ROS1: variants seen among roughly 807,000 people sequenced by gnomAD.
The protein encoded by ROS1 is proto-oncogene tyrosine-protein kinase ROS.
Under a neutral mutation model 273.5 loss-of-function variants are expected in ROS1, and 263 were observed. That is an observed-to-expected ratio of 0.96 (90% confidence interval 0.87 to 1.06). ROS1 has a LOEUF of 1.06. Among genes scored for constraint, ROS1 ranks in the 50% least tolerant of loss-of-function variants. The probability of loss-of-function intolerance (pLI) is 0.00; values close to 1 mark genes in which losing one functional copy is unlikely to be tolerated. For synonymous variants in ROS1, 1,008 were observed against 954.1 expected, an observed-to-expected ratio of 1.06 and a Z score of -1.04; for missense variants, 2,833 against 2,751.1, an observed-to-expected ratio of 1.03 and a Z score of -0.67.
intron 43 of ROS1, among the ~76,000 whole-genome samples, chr6:117,298,451 G>C (rs1774424247): frequency 6.6e-6 from 1 of 152,162 alleles, no homozygotes; most frequent in South Asian, 2.1e-4. Context: ...CCCAGTTACT[G>C]ATGTTTTTCT....
intron 27 of ROS1, among the ~76,000 whole-genome samples, chr6:117,352,128 T>A (rs1187032993): frequency 6.6e-6 from 1 of 152,188 alleles, no homozygotes; most frequent in Non-Finnish European, 1.5e-5. Context: ...TCGCCCAGGC[T>A]GGAGAGCAGT....
intron 35 of ROS1, among the ~76,000 whole-genome samples, chr6:117,322,644 T>C (rs181931893): frequency 6.6e-6 from 1 of 152,300 alleles, no homozygotes; most frequent in East Asian, 1.9e-4. Context: ...TTTTAAAAAT[T>C]GTCTAATTTT....
At chr6:117,352,805 A>G (rs962034648) in intron 27 of ROS1, among the ~76,000 whole-genome samples, 185 bp downstream of exon 27, 2 of 152,230 alleles carry the variant, frequency 1.3e-5, no homozygotes, top group African/African-American at 4.8e-5. Context: ...GTGTTTACAC[A>G]TAGAAGTAAT....
At position 117,387,891 on chromosome 6, in the gene ROS1, T is replaced by G; in HGVS notation, c.1888A>C (p.Asn630His). 1.2e-6 allele frequency: 2 copies of G among 1,614,222 alleles called. No individual in the cohort carries two copies. Among genetic ancestry groups the G allele is most frequent in the Non-Finnish European group, 1.7e-6 (2 of 1,180,024 alleles). Residue 630 changes from asparagine to histidine, a missense_variant, in exon 14 of 44, where the codon AAT becomes CAT. Coordinates refer to ENST00000368507, the MANE Select transcript of ROS1 (RefSeq NM_001378902.1). Reference protein sequence around the residue: ...IFLNISGTMLNVPELQSAMKY... With the variant: ...IFLNISGTMLHVPELQSAMKY... ...ATAGCACTCTGCAGCTCAGGTACAT[T>G]CAGCATGGTTCCACTTATGTTCAAG...
At chr6:117,411,205 G>A (rs1048215142) in intron 4 of ROS1, among the ~76,000 whole-genome samples, 7 of 150,452 alleles carry the variant, frequency 4.7e-5, no homozygotes, top group Non-Finnish European at 7.4e-5. Context: ...TAACAACTAC[G>A]TTTCCTTCTC....
At chr6:117,396,135 C>CT in intron 9 of ROS1, 53 bp downstream of exon 9, 1 of 1,448,872 alleles carries the variant, frequency 6.9e-7, no homozygotes, top group Non-Finnish European at 9.6e-7. Flanking sequence ...GCTCTGAAAC[C>CT]ACCCTTGCCA....
Position 117,414,516 on chromosome 6 carries a change from C to A in ROS1, c.255+3G>T. ...TACATCTTTTTTGTGATTGCCAACT[C>A]ACCTCACAAACGGTGGCATAAGTAT... On this transcript the variant is annotated splice_donor_region_variant and intron_variant, in intron 4 of 43. Transcript: ENST00000368507. 1.4e-6 allele frequency: 1 copy of A among 739,830 alleles called. No individual in the cohort carries two copies. Among genetic ancestry groups the A allele is most frequent in the South Asian group, 1.5e-5 (1 of 66,052 alleles). The allele number at this position is 739,830 out of a possible 1,614,324, so 45.8% of individuals were successfully genotyped here.
chr6:117,298,530 T>C (rs960249452), intron 43 of ROS1, among the ~76,000 whole-genome samples: 7 of 152,180 alleles, frequency 4.6e-5, no homozygotes, highest in African/African-American at 1.7e-4. Flanking sequence ...CTCTAAAGTT[T>C]CCATATGTGA....
At chr6:117,397,403 C>T (rs1215995381) in intron 7 of ROS1, among the ~76,000 whole-genome samples, 1 of 151,990 alleles carries the variant, frequency 6.6e-6, no homozygotes, top group African/African-American at 2.4e-5. Context: ...AAAAAGTCAT[C>T]AGGAATCTCT....
At position 117,319,962 on chromosome 6, in the gene ROS1, A is replaced by G; in HGVS notation, c.5828T>C (p.Leu1943Pro). 6.2e-7 allele frequency: 1 copy of G among 1,613,544 alleles called. No individual in the cohort carries two copies. The highest frequency in any genetic ancestry group is 8.5e-7 in the Non-Finnish European group (1 of 1,179,652). The change falls in exon 37 of 44, where the codon CTC becomes CCC. Residue 1943 changes from leucine (L) to proline (P), a missense_variant. Leu to Pro is a moderately conservative substitution (Grantham distance 98, BLOSUM62 -3). Coordinates refer to ENST00000368507, the MANE Select transcript of ROS1 (RefSeq NM_001378902.1). ...AFPREKLTLR[L>P]LLGSGAFGEV... The stretch of plus-strand genomic sequence containing the variant: ...TCCAAAGGCTCCACTTCCCAGCAAG[A>G]GACGCAGAGTCAGTTTTTCCCGAGG...
Position 117,300,086 on chromosome 6 carries a change from C to CTTTTTTTTTTTTTT in ROS1, c.6715+874_6715+887dup, listed in dbSNP as rs10700318. ...TACAGGCGCCCGCCACCAGGACAGG[C>CTTTTTTTTTTTTTT]TTTTTTTTTTTTTTTTTTTTTTTTT... is the stretch of plus-strand genomic sequence containing the variant. On this transcript the variant is annotated intron_variant, in intron 43 of 43. Transcript: ENST00000368507. Among the ~76,000 whole-genome samples the CTTTTTTTTTTTTTT allele has an allele frequency of 8.5e-4, 27 of 31,834 alleles. 2 individuals are homozygous for CTTTTTTTTTTTTTT. Among genetic ancestry groups the CTTTTTTTTTTTTTT allele is most frequent in the East Asian group, 1.0e-3 (1 of 964 alleles). The allele number at this position is 31,834 out of a possible 152,430, so 20.9% of individuals were successfully genotyped here.
intron 32 of ROS1, among the ~76,000 whole-genome samples, chr6:117,336,463 G>A (rs1167891057): frequency 6.6e-6 from 1 of 152,028 alleles, no homozygotes; most frequent in Admixed American, 6.6e-5. Context: ...GAGGTTAATA[G>A]CTTCCAGCTT....
At chr6:117,337,071 T>C (rs760799164) in intron 32 of ROS1, 101 bp downstream of exon 32, 15 of 960,904 alleles carry the variant, frequency 1.6e-5, no homozygotes, top group Non-Finnish European at 2.3e-5. Context: ...ATGTACTGCT[T>C]TTAAAGAACA....
At chr6:117,370,762 T>C (rs536424142) in intron 18 of ROS1, among the ~76,000 whole-genome samples, 1 of 145,522 alleles carries the variant, frequency 6.9e-6, no homozygotes, top group East Asian at 2.1e-4. Context: ...CCTAAAAAAA[T>C]AAATAGACAT....
rs924427270 is a variant in ROS1 at position 117,425,574 on chromosome 6, G to T, written c.83C>A (p.Thr28Lys). Reference sequence around the variant, plus strand: ...CGACTTTAGGCAGCTATTTAAAACTGTACACTGCACCACAGAAATCCATAG... The same window carrying T: ...CGACTTTAGGCAGCTATTTAAAACTTTACACTGCACCACAGAAATCCATAG... ...GCLWISVVQC[T>K]VLNSCLKSCV... Residue 28 changes from threonine to lysine, a missense_variant, in exon 1 of 44, where the codon ACA becomes AAA. Physicochemically the swap from Thr to Lys is moderately conservative, Grantham distance 78. Transcript: ENST00000368507. 19 of 1,610,700 alleles carry T rather than the reference G, an allele frequency of 1.2e-5. No individual in the cohort carries two copies. Among genetic ancestry groups the T allele is most frequent in the Non-Finnish European group, 1.5e-5 (18 of 1,178,858 alleles).
At chr6:117,291,300 T>C (rs1402388085) in intron 43 of ROS1, among the ~76,000 whole-genome samples, 2 of 152,216 alleles carry the variant, frequency 1.3e-5, no homozygotes, top group East Asian at 3.8e-4. Context: ...CCTGCATCAT[T>C]ACTTTGAATA....
At chr6:117,377,172 G>A (rs572006950) in intron 18 of ROS1, among the ~76,000 whole-genome samples, 7 of 152,076 alleles carry the variant, frequency 4.6e-5, no homozygotes, top group East Asian at 1.9e-4. Flanking sequence ...GTGCAATGGC[G>A]CGATCTCAGC....
chr6:117,369,488 G>A (rs927200521), intron 18 of ROS1, among the ~76,000 whole-genome samples: 1 of 151,912 alleles, frequency 6.6e-6, no homozygotes, highest in African/African-American at 2.4e-5. Flanking sequence ...GCAGGAGAAT[G>A]GCATGAACCC....
chr6:117,414,576 A>C, intron 3 of ROS1, 31 bp from the exon 4 acceptor site: 1 of 722,372 alleles, frequency 1.4e-6, no homozygotes, highest in South Asian at 1.6e-5. Context: ...ACTACTTAAA[A>C]TCTTGAAAGT....
Sources: gnomAD v4.1 joint callset for allele counts (sites outside exome capture counted in the v4.1 genomes callset) on GRCh38, gnomAD v4.1.1 for gene constraint, MANE v1.5 for transcripts, NCBI Gene and HGNC (gene_info 2026-07-23, HGNC 2026-07-21) for gene names.